SACM1L: variants seen among roughly 807,000 people sequenced by gnomAD.
SACM1L encodes the protein SAC1 like phosphatidylinositide phosphatase.
SACM1L carries 32 observed loss-of-function variants against 89.5 expected under a neutral mutation model. The observed-to-expected ratio is 0.36, with a 90% CI of 0.27 to 0.48. SACM1L has a LOEUF of 0.48. Ranked by LOEUF, SACM1L falls within the 20% of genes least tolerant of loss-of-function variation. SACM1L has a pLI of 0.99. For synonymous variants in SACM1L, 213 were observed against 232.8 expected (o/e 0.92, Z 0.77); for missense variants, 543 against 708.5 (o/e 0.77, Z 2.65).
At chr3:45,734,072 T>G (rs1343081704) in intron 13 of SACM1L, among the ~76,000 whole-genome samples, 5 of 151,944 alleles carry the variant, frequency 3.3e-5, no homozygotes, top group Non-Finnish European at 7.4e-5. Flanking sequence ...CAATTGTTCT[T>G]TATAAATCTT....
intron 4 of SACM1L, among the ~76,000 whole-genome samples, 192 bp from the exon 5 acceptor site, chr3:45,709,306 A>G (rs1424516336): frequency 1.3e-5 from 2 of 152,172 alleles, no homozygotes; most frequent in Non-Finnish European, 2.9e-5. Flanking sequence ...TACAGTGTTT[A>G]TTGAGTATCT....
chr3:45,723,086 C>T lies in SACM1L; in HGVS notation c.852+131C>T, dbSNP rs539250413. On this transcript the variant is annotated intron_variant, in intron 10 of 19. Transcript: ENST00000389061. ...TCTTTGAGGCTATTCTTCTTGGTTCCGGCACATAGTAAACCCCTAAACCAA... is the reference window on the plus strand; with the variant it reads ...TCTTTGAGGCTATTCTTCTTGGTTCTGGCACATAGTAAACCCCTAAACCAA... The T allele has an allele frequency of 2.8e-4, 218 of 778,446 alleles. 1 individual carries two copies. Among genetic ancestry groups the T allele is most frequent in the Middle Eastern group, 1.2e-3 (5 of 4,194 alleles). The allele number at this position is 778,446 out of a possible 1,614,324, so 48.2% of individuals were successfully genotyped here.
intron 2 of SACM1L, 62 bp from the exon 3 acceptor site, chr3:45,705,073 A>C (rs767108962): frequency 9.2e-7 from 1 of 1,089,828 alleles, no homozygotes; most frequent in Non-Finnish European, 1.4e-6. Context: ...ATCGAACTAA[A>C]TTTCTGTTTC....
chr3:45,735,911 G>T (rs1699188146), intron 14 of SACM1L, among the ~76,000 whole-genome samples: 1 of 152,056 alleles, frequency 6.6e-6, no homozygotes. Context: ...CTGTTGCCCA[G>T]GCTGGAGTGC....
intron 1 of SACM1L, among the ~76,000 whole-genome samples, chr3:45,701,431 C>G (rs759406309): frequency 6.6e-6 from 1 of 152,090 alleles, no homozygotes; most frequent in Non-Finnish European, 1.5e-5. Flanking sequence ...ATGCGGTAGC[C>G]TTTTGGTAAA....
At chr3:45,707,080 C>A in intron 4 of SACM1L, 173 bp downstream of exon 4, 2 of 493,066 alleles carry the variant, frequency 4.1e-6, no homozygotes, top group Non-Finnish European at 6.7e-6. Flanking sequence ...TTTTTTAAAT[C>A]ATTTGTTGCT....
At chr3:45,723,362 A>G in intron 10 of SACM1L, 113 bp from the exon 11 acceptor site, 1 of 366,592 alleles carries the variant, frequency 2.7e-6, no homozygotes, top group Non-Finnish European at 4.7e-6. Flanking sequence ...CTTTCTTTTG[A>G]ATATAGAAAT....
At chr3:45,733,477 G>A (rs750008896) in intron 13 of SACM1L, among the ~76,000 whole-genome samples, 8 of 151,996 alleles carry the variant, frequency 5.3e-5, no homozygotes, top group Admixed American at 2.6e-4. Context: ...CATGGGGTAC[G>A]GACACACACA....
chr3:45,717,017 G>T (rs1255419234), intron 7 of SACM1L, among the ~76,000 whole-genome samples: 1 of 152,102 alleles, frequency 6.6e-6, no homozygotes, highest in African/African-American at 2.4e-5. Context: ...GCTCATTTTT[G>T]TGCCCTGGCT....
chr3:45,705,283 T>C (rs184763520), intron 3 of SACM1L, 74 bp downstream of exon 3: 5 of 863,026 alleles, frequency 5.8e-6, no homozygotes, highest in African/African-American at 3.4e-5. Context: ...TTAGAGTGAG[T>C]ATACGATGAA....
At chr3:45,723,568 G>A (rs1311197884) in intron 11 of SACM1L, 25 bp downstream of exon 11, 4 of 1,276,394 alleles carry the variant, frequency 3.1e-6, no homozygotes, top group Admixed American at 2.5e-5. Flanking sequence ...TTTCTTGGGG[G>A]GAAAAAAAAG....
In SACM1L at chr3:45,719,237, A is replaced by G. The variant is rs111432524; in HGVS notation, c.578-263A>G. 3.4e-3 allele frequency among the ~76,000 whole-genome samples: 523 copies of G among 152,336 alleles called. 4 individuals are homozygous for G. Among genetic ancestry groups the G allele is most frequent in the African/African-American group, 0.011 (466 of 41,580 alleles). On this transcript the variant is annotated intron_variant, in intron 7 of 19. Coordinates refer to ENST00000389061, the MANE Select transcript of SACM1L (RefSeq NM_014016.5). The stretch of plus-strand genomic sequence containing the variant: ...AATTCTTTAGAAAGTGATTGAGAAT[A>G]TCAGGAAAAGGGAAGCATATCATTT...
In SACM1L at chr3:45,689,504, C is replaced by T. The variant is rs766388124; in HGVS notation, c.32+7C>T. On this transcript the variant is annotated splice_region_variant and intron_variant, in intron 1 of 19. Transcript: ENST00000389061. ...CCTACGAGCAGCTGAAGCTGTGAGT[C>T]CCACGGGCCAGAGGCCTGAGGCGCG... 1.1e-5 allele frequency: 17 copies of T among 1,577,252 alleles called. No individual in the cohort carries two copies. In the South Asian group the frequency reaches 1.5e-4, roughly 14 times the overall value.
intron 7 of SACM1L, among the ~76,000 whole-genome samples, chr3:45,716,087 T>C (rs1698651138): frequency 6.6e-6 from 1 of 151,706 alleles, no homozygotes; most frequent in Non-Finnish European, 1.5e-5. Flanking sequence ...GAATAGAGAG[T>C]GGACAGAGAG....
In SACM1L at chr3:45,717,564, ATTTAT is replaced by A. The variant is rs1222988040; in HGVS notation, c.578-1929_578-1925del. Among the ~76,000 whole-genome samples, 6 of 152,328 alleles carry A rather than the reference ATTTAT, an allele frequency of 3.9e-5. No individual in the cohort carries two copies. In the East Asian group the frequency reaches 9.6e-4, roughly 24 times the overall value. Reference sequence around the variant, plus strand: ...GAAGTTGGATGGTAGGTTCACAAATATTTATTTTATTATGCTGTTATACTTTATAA... The same window carrying A: ...GAAGTTGGATGGTAGGTTCACAAATATTTATTATGCTGTTATACTTTATAA... On this transcript the variant is annotated intron_variant, in intron 7 of 19. Transcript: ENST00000389061.
At chr3:45,719,202 G>T (rs1698732898) in intron 7 of SACM1L, among the ~76,000 whole-genome samples, 1 of 151,976 alleles carries the variant, frequency 6.6e-6, no homozygotes, top group Non-Finnish European at 1.5e-5. Context: ...CAGTGATGTG[G>T]TTAATACTTA....
chr3:45,689,940 C>T (rs866155297), intron 1 of SACM1L: 10 of 186,960 alleles, frequency 5.3e-5, no homozygotes, highest in Middle Eastern at 2.5e-3. Context: ...CTTTGTTTTG[C>T]TTACAGCCTA....
chr3:45,700,866 T>C (rs530156912), intron 1 of SACM1L, among the ~76,000 whole-genome samples: 5 of 152,186 alleles, frequency 3.3e-5, no homozygotes, highest in African/African-American at 1.2e-4. Flanking sequence ...GAGATGAGGT[T>C]TCACCATGTT....
chr3:45,723,857 G>T (rs1698845315), intron 11 of SACM1L, among the ~76,000 whole-genome samples: 1 of 151,662 alleles, frequency 6.6e-6, no homozygotes, highest in South Asian at 2.1e-4. Flanking sequence ...CTTTTTTAAT[G>T]TTTTTAAGGT....
Sources: gnomAD v4.1 joint callset for allele counts (sites outside exome capture counted in the v4.1 genomes callset) on GRCh38, gnomAD v4.1.1 for gene constraint, MANE v1.5 for transcripts, NCBI Gene and HGNC (gene_info 2026-07-23, HGNC 2026-07-21) for gene names.